Variants in PMPCB observed in about 807,000 individuals in gnomAD.
The protein encoded by PMPCB is peptidase, mitochondrial processing subunit beta, also known as mitochondrial-processing peptidase subunit beta.
PMPCB carries 46 observed loss-of-function variants against 61.5 expected under a neutral mutation model. That is an observed-to-expected ratio of 0.75 (90% CI 0.59 to 0.96). The LOEUF is 0.96. Among genes scored for constraint, PMPCB ranks in the 40% least tolerant of loss-of-function variants. PMPCB has a pLI of 0.00. For synonymous variants in PMPCB, 191 were observed against 201.6 expected (o/e 0.95, Z 0.44); for missense variants, 590 against 602.4 (o/e 0.98, Z 0.22).
chr7:103,317,453 T>G (rs116171390), downstream of PMPCB: 1,271 of 156,088 alleles, frequency 8.1e-3, 14 homozygotes, highest in African/African-American at 0.028. Context: ...ACATTGTTCC[T>G]TCTAGACTAC....
At chr7:103,321,444 G>C (rs558182940) in intron 12 of PMPCB, among the ~76,000 whole-genome samples, 5 of 151,680 alleles carry the variant, frequency 3.3e-5, no homozygotes, top group Non-Finnish European at 5.9e-5. Flanking sequence ...CTTGAACCCA[G>C]GAGGCGGGGG....
In PMPCB at chr7:103,312,526, T is replaced by C; in HGVS notation, c.*255T>C. The C allele has an allele frequency of 6.3e-7, 1 of 1,591,858 alleles. No homozygotes were observed. Among genetic ancestry groups the C allele is most frequent in the Admixed American group, 1.8e-5 (1 of 54,402 alleles). ...ATTTTAAGAATGAAAATGTTTACAGTATTTTCAGTTTTATTATAAAAATGC... is the reference window on the plus strand; with the variant it reads ...ATTTTAAGAATGAAAATGTTTACAGCATTTTCAGTTTTATTATAAAAATGC... On this transcript the variant is annotated 3_prime_UTR_variant, in exon 13 of 13. Coordinates refer to ENST00000249269, the MANE Select transcript of PMPCB (RefSeq NM_004279.3).
chr7:103,313,385 C>A lies in PMPCB; in HGVS notation c.*1114C>A, dbSNP rs948095120. The A allele has an allele frequency of 9.1e-7, 1 of 1,101,596 alleles. No homozygotes were observed. The highest frequency in any genetic ancestry group is 1.1e-6 in the Non-Finnish European group (1 of 906,546). 68.2% of individuals were successfully genotyped at this position (1,101,596 alleles called of 1,614,324 possible). A position where few individuals can be genotyped will look rare whatever the true frequency, so the allele number is the denominator to read the frequency against. On this transcript the variant is annotated 3_prime_UTR_variant, in exon 13 of 13. Coordinates refer to ENST00000249269, the MANE Select transcript of PMPCB (RefSeq NM_004279.3). ...CTTAAAAATCAATGTAATACACTCA[C>A]CAGACTGGTAAAAAGCCATATTTAA...
intron 9 of PMPCB, chr7:103,311,004 A>G (rs1184855922): frequency 6.6e-6 from 1 of 152,426 alleles, no homozygotes; most frequent in East Asian, 1.9e-4. Flanking sequence ...TTAATCTTTC[A>G]GAAGCAGGTT....
chr7:103,344,466 G>A, the PMPCB span: 2 of 1,455,332 alleles, frequency 1.4e-6, no homozygotes, highest in South Asian at 2.3e-5. Context: ...AGTCGCCAGG[G>A]TCAAGGGTAG....
Position 103,310,441 on chromosome 7 carries a change from G to A in PMPCB, c.1120G>A (p.Val374Ile), listed in dbSNP as rs368351310. 3.2e-5 allele frequency: 51 copies of A among 1,612,336 alleles called. No individual in the cohort carries two copies. The highest frequency in any genetic ancestry group is 4.0e-5 in the Non-Finnish European group (47 of 1,179,374). Residue 374 changes from valine (V) to isoleucine (I), a missense_variant, in exon 9 of 13, where the codon GTT becomes ATT. Transcript: ENST00000249269. ...GLYMVCESST[V>I]ADMLHVVQKE... The stretch of plus-strand genomic sequence containing the variant: ...GTATATGGTTTGTGAATCATCCACT[G>A]TTGCAGACATGCTACATGTTGTTCA...
chr7:103,300,070 T>G, intron 3 of PMPCB, 108 bp from the exon 4 acceptor site: 1 of 1,046,678 alleles, frequency 9.6e-7, no homozygotes, highest in Non-Finnish European at 1.4e-6. Flanking sequence ...GAAACCAAAT[T>G]TGACCCTGCA....
chr7:103,343,889 A>G, the PMPCB span, among the ~76,000 whole-genome samples: 1 of 152,218 alleles, frequency 6.6e-6, no homozygotes, highest in East Asian at 1.9e-4. Flanking sequence ...GTTCAAAATC[A>G]CATTCAACAA....
intron 12 of PMPCB, among the ~76,000 whole-genome samples, chr7:103,320,488 A>G (rs925153537): frequency 2.0e-5 from 3 of 152,048 alleles, no homozygotes; most frequent in African/African-American, 7.2e-5. Context: ...CCAAAAAACA[A>G]GTTAATATTC....
the PMPCB span, among the ~76,000 whole-genome samples, chr7:103,334,532 C>T: frequency 2.0e-5 from 3 of 150,122 alleles, no homozygotes; most frequent in African/African-American, 7.4e-5. Context: ...GCCAAGATCA[C>T]GCGACTGCAC....
intron 12 of PMPCB, chr7:103,327,563 G>A: frequency 2.4e-6 from 2 of 816,928 alleles, no homozygotes; most frequent in Non-Finnish European, 3.9e-6. Context: ...AAGGATAGTT[G>A]AATGAACTAC....
In PMPCB at chr7:103,310,490, T is replaced by A. The variant is rs1363086434; in HGVS notation, c.1154+15T>A. The A allele has an allele frequency of 6.4e-7, 1 of 1,571,192 alleles. No individual in the cohort carries two copies. Among genetic ancestry groups the A allele is most frequent in the African/African-American group, 1.4e-5 (1 of 73,078 alleles). ...CAAAAAGAATGGTGAGAAAAATAGCTTTAAGTAATTTAAATTTTGCCTTTA... is the reference window on the plus strand; with the variant it reads ...CAAAAAGAATGGTGAGAAAAATAGCATTAAGTAATTTAAATTTTGCCTTTA... On this transcript the variant is annotated intron_variant, in intron 9 of 12. Coordinates refer to ENST00000249269, the MANE Select transcript of PMPCB (RefSeq NM_004279.3).
chr7:103,308,311 T>C (rs1817641526), intron 7 of PMPCB, among the ~76,000 whole-genome samples: 1 of 152,216 alleles, frequency 6.6e-6, no homozygotes, highest in African/African-American at 2.4e-5. Flanking sequence ...AACGTCAATA[T>C]GACATTTCAA....
At chr7:103,324,923 AACAACC>A (rs1200014681) in intron 12 of PMPCB, among the ~76,000 whole-genome samples, 2 of 152,222 alleles carry the variant, frequency 1.3e-5, no homozygotes, top group African/African-American at 4.8e-5. Flanking sequence ...TCAGCACAAC[AACAACC>A]TGTAGGCCTA....
rs756032838 is a variant in PMPCB at position 103,310,337 on chromosome 7, AGCTCACTTGTC to A, written c.1017_1027del (p.Leu340TrpfsTer6). ...CAGAATTTATCTAGCAAGCTGGCCC[AGCTCACTTGTC>A]ATGGCAATCTTTGCCATAGCTTTCA... On this transcript the variant is annotated frameshift_variant, in exon 9 of 13. Coordinates refer to ENST00000249269, the MANE Select transcript of PMPCB (RefSeq NM_004279.3). LOFTEE classifies it high-confidence loss of function. 8.7e-6 allele frequency: 14 copies of A among 1,613,422 alleles called. No individual in the cohort carries two copies. Among genetic ancestry groups the A allele is most frequent in the Non-Finnish European group, 1.1e-5 (13 of 1,179,798 alleles).
intron 6 of PMPCB, among the ~76,000 whole-genome samples, chr7:103,307,215 G>A (rs111839620): frequency 9.9e-5 from 15 of 152,138 alleles, no homozygotes; most frequent in African/African-American, 3.6e-4. Flanking sequence ...AAATTAGATA[G>A]AGCCCATATT....
At chr7:103,334,510 A>G (rs1819091329), downstream of PMPCB, among the ~76,000 whole-genome samples, 1 of 151,450 alleles carries the variant, frequency 6.6e-6, no homozygotes, top group African/African-American at 2.4e-5. Flanking sequence ...CTGGAGATGG[A>G]GGTTGCAGTG....
downstream of PMPCB, among the ~76,000 whole-genome samples, chr7:103,329,871 T>G (rs558469002): frequency 6.6e-6 from 1 of 152,334 alleles, no homozygotes; most frequent in African/African-American, 2.4e-5. Flanking sequence ...CTATATTATC[T>G]ACAAATAATA....
intron 1 of PMPCB, chr7:103,297,773 A>C: frequency 6.5e-7 from 1 of 1,532,004 alleles, no homozygotes; most frequent in Non-Finnish European, 8.7e-7. Flanking sequence ...GTGTGGGATG[A>C]CCCTGGTTTT....
Sources: gnomAD v4.1 joint callset for allele counts (sites outside exome capture counted in the v4.1 genomes callset) on GRCh38, gnomAD v4.1.1 for gene constraint, MANE v1.5 for transcripts, NCBI Gene and HGNC (gene_info 2026-07-23, HGNC 2026-07-21) for gene names.